Variants in CNTN4 observed in about 807,000 individuals in gnomAD.
CNTN4 encodes the protein contactin 4.
In CNTN4, 77 loss-of-function variants were observed where a neutral mutation model predicts 122.5. The ratio of observed to expected loss-of-function variants is 0.63; its 90% confidence interval spans 0.52 to 0.76. The LOEUF (loss-of-function observed/expected upper bound fraction) is 0.76, where lower values mean the gene tolerates loss of function less well. CNTN4 is among the 30% of genes least tolerant of loss of function. The pLI is 0.00. For missense variants in CNTN4, 1,256 were observed against 1,259.1 expected (o/e 1.00, Z 0.04); for synonymous variants, 512 against 447.0 (o/e 1.15, Z -1.83).
chr3:2,399,539 T>C (rs556737386), intron 3 of CNTN4, among the ~76,000 whole-genome samples: 114 of 152,144 alleles, frequency 7.5e-4, no homozygotes, highest in African/African-American at 2.6e-3. Context: ...ATAAGTTCTC[T>C]GAGTCTCTGT....
chr3:2,193,820 CA>C (rs1297837662), intron 2 of CNTN4, among the ~76,000 whole-genome samples: 1 of 152,156 alleles, frequency 6.6e-6, no homozygotes, highest in Non-Finnish European at 1.5e-5. Flanking sequence ...CATTGTGTTA[CA>C]GTTGCCCACA....
At chr3:2,131,053 C>G (rs2034425946) in intron 2 of CNTN4, among the ~76,000 whole-genome samples, 2 of 152,114 alleles carry the variant, frequency 1.3e-5, no homozygotes, top group Admixed American at 1.3e-4. Context: ...AATATAATAG[C>G]TGACATGTAT....
chr3:2,945,817 T>G (rs2094670935), intron 13 of CNTN4, among the ~76,000 whole-genome samples: 1 of 152,174 alleles, frequency 6.6e-6, no homozygotes. Flanking sequence ...GAGGATAGAT[T>G]TGTGTCAAAC....
At chr3:2,353,935 C>T (rs951451402) in intron 3 of CNTN4, among the ~76,000 whole-genome samples, 12 of 151,710 alleles carry the variant, frequency 7.9e-5, no homozygotes, top group Non-Finnish European at 7.4e-5. Flanking sequence ...ACAAAAAAAA[C>T]ATAAAGGAGT....
At chr3:2,334,863 T>C (rs1575401596) in intron 2 of CNTN4, among the ~76,000 whole-genome samples, 4 of 152,192 alleles carry the variant, frequency 2.6e-5, no homozygotes, top group Non-Finnish European at 4.4e-5. Flanking sequence ...TTCATGCTCT[T>C]ACCTGTCACT....
chr3:2,145,793 C>T (rs1370403130), intron 2 of CNTN4, among the ~76,000 whole-genome samples: 1 of 106,944 alleles, frequency 9.4e-6, no homozygotes, highest in South Asian at 2.8e-4. Context: ...TCCTTATCTA[C>T]CTTATGAAAT....
chr3:2,174,180 C>A (rs1439811875), intron 2 of CNTN4, among the ~76,000 whole-genome samples: 1 of 152,094 alleles, frequency 6.6e-6, no homozygotes, highest in African/African-American at 2.4e-5. Context: ...CAGAATGTAT[C>A]ACTTGCTGTC....
chr3:2,980,591 G>A lies in CNTN4; in HGVS notation c.1359-7754G>A, dbSNP rs559158336. On this transcript the variant is annotated intron_variant, in intron 13 of 24. Coordinates refer to ENST00000418658, the MANE Select transcript of CNTN4 (RefSeq NM_175607.3). Reference sequence around the variant, plus strand: ...AACATGAAAATAAAGCTATTAAAGCGGCGCTGTTGTCTGAGGTAATACCCG... The same window carrying A: ...AACATGAAAATAAAGCTATTAAAGCAGCGCTGTTGTCTGAGGTAATACCCG... Among the ~76,000 whole-genome samples, 62 of 152,272 alleles carry A rather than the reference G, an allele frequency of 4.1e-4. 1 individual carries two copies. Among genetic ancestry groups the A allele is most frequent in the East Asian group, 1.4e-3 (7 of 5,180 alleles).
intron 2 of CNTN4, among the ~76,000 whole-genome samples, chr3:2,153,023 G>T (rs1372418527): frequency 6.6e-6 from 1 of 152,170 alleles, no homozygotes; most frequent in East Asian, 1.9e-4. Flanking sequence ...AGAATCAAGA[G>T]AATTAATAGC....
chr3:2,137,051 G>A (rs957477254), intron 2 of CNTN4, among the ~76,000 whole-genome samples: 2 of 152,108 alleles, frequency 1.3e-5, no homozygotes, highest in African/African-American at 4.8e-5. Context: ...TATTTTCCCA[G>A]TATCTAAAGC....
At chr3:2,754,762 A>G (rs977755906) in intron 6 of CNTN4, among the ~76,000 whole-genome samples, 33 of 152,194 alleles carry the variant, frequency 2.2e-4, no homozygotes, top group African/African-American at 7.7e-4. Context: ...AAAAAAAGAA[A>G]AGAAAAAATT....
intron 2 of CNTN4, among the ~76,000 whole-genome samples, chr3:2,338,454 T>G (rs1198160689): frequency 6.6e-6 from 1 of 151,954 alleles, no homozygotes; most frequent in Non-Finnish European, 1.5e-5. Flanking sequence ...TATATCTACA[T>G]AAAATTTTAT....
chr3:2,700,724 G>A (rs892569620), intron 4 of CNTN4, among the ~76,000 whole-genome samples: 4 of 151,696 alleles, frequency 2.6e-5, no homozygotes, highest in African/African-American at 4.8e-5. Context: ...TTACTGATCC[G>A]TTTTCCCTAC....
At chr3:2,290,588 G>T (rs1259441130) in intron 2 of CNTN4, among the ~76,000 whole-genome samples, 1 of 152,162 alleles carries the variant, frequency 6.6e-6, no homozygotes, top group Non-Finnish European at 1.5e-5. Flanking sequence ...GAATGAAAAA[G>T]TTCAGTTTGA....
intron 2 of CNTN4, among the ~76,000 whole-genome samples, chr3:2,215,146 T>G (rs1296094211): frequency 1.3e-5 from 2 of 152,228 alleles, no homozygotes; most frequent in African/African-American, 4.8e-5. Context: ...CCAAAGTGAA[T>G]GTTTCCTTCT....
intron 2 of CNTN4, among the ~76,000 whole-genome samples, chr3:2,164,254 A>G (rs946051613): frequency 6.6e-6 from 1 of 152,166 alleles, no homozygotes; most frequent in Non-Finnish European, 1.5e-5. Flanking sequence ...ACAACAAAGT[A>G]TACCCTTTAG....
intron 2 of CNTN4, among the ~76,000 whole-genome samples, chr3:2,281,528 G>A (rs1159819074): frequency 3.3e-5 from 5 of 152,018 alleles, no homozygotes; most frequent in Non-Finnish European, 7.4e-5. Flanking sequence ...CCACTGTTGA[G>A]TTATTCCTAA....
chr3:2,933,122 C>T (rs2094539200), intron 13 of CNTN4, among the ~76,000 whole-genome samples: 1 of 152,014 alleles, frequency 6.6e-6, no homozygotes, highest in Admixed American at 6.6e-5. Context: ...GCGCCCGGCC[C>T]AGATGGTTAC....
At chr3:2,232,758 TC>T (rs2039538737) in intron 2 of CNTN4, among the ~76,000 whole-genome samples, 1 of 152,180 alleles carries the variant, frequency 6.6e-6, no homozygotes, top group Admixed American at 6.5e-5. Flanking sequence ...ATATTTGTTT[TC>T]ATTTGCATTT....
Sources: gnomAD v4.1 joint callset for allele counts (sites outside exome capture counted in the v4.1 genomes callset) on GRCh38, gnomAD v4.1.1 for gene constraint, MANE v1.5 for transcripts, NCBI Gene and HGNC (gene_info 2026-07-23, HGNC 2026-07-21) for gene names.